The following ROBO1 variants were observed in gnomAD, a reference collection of about 807,000 sequenced individuals.
ROBO1 encodes roundabout homolog 1.
ROBO1 carries 149 observed loss-of-function variants against 195.9 expected under a neutral mutation model. The ratio of observed to expected loss-of-function variants is 0.76; its 90% CI spans 0.67 to 0.87. ROBO1 has a LOEUF of 0.87. Among genes scored for constraint, ROBO1 ranks in the 40% least tolerant of loss-of-function variants. ROBO1 has a pLI of 0.00. For missense variants in ROBO1, 1,933 were observed against 2,068.3 expected (o/e 0.93, Z 1.27); for synonymous variants, 816 against 733.2 (o/e 1.11, Z -1.82).
intron 2 of ROBO1, among the ~76,000 whole-genome samples, chr3:79,141,459 G>C (rs1482160834): frequency 6.6e-6 from 1 of 152,110 alleles, no homozygotes; most frequent in East Asian, 1.9e-4. Context: ...ACAGGGATTA[G>C]CTGTGTCCAA....
intron 2 of ROBO1, among the ~76,000 whole-genome samples, chr3:79,471,722 T>C (rs1055934930): frequency 7.2e-5 from 11 of 152,142 alleles, no homozygotes; most frequent in African/African-American, 2.7e-4. Context: ...AAAGAAAATG[T>C]AGCACATATA....
At position 78,995,078 on chromosome 3, in the gene ROBO1, C is replaced by T. The variant is rs1324990792; in HGVS notation, c.173-56151G>A. Reference sequence around the variant, plus strand: ...TATTCTGCTGTCTTCTGTAGTGCACCTTATACTTTTAATACTGACAAAAAT... The same window carrying T: ...TATTCTGCTGTCTTCTGTAGTGCACTTTATACTTTTAATACTGACAAAAAT... On this transcript the variant is annotated intron_variant, in intron 3 of 30. Transcript: ENST00000464233. 2.6e-5 allele frequency among the ~76,000 whole-genome samples: 4 copies of T among 152,098 alleles called. No homozygotes were observed. The East Asian group carries it at 7.7e-4, about 29-fold the overall frequency.
chr3:79,330,848 T>A (rs1428742604), intron 2 of ROBO1, among the ~76,000 whole-genome samples: 1 of 152,154 alleles, frequency 6.6e-6, no homozygotes, highest in African/African-American at 2.4e-5. Flanking sequence ...GCACATCTCT[T>A]GGAAATGATC....
rs773447174 is a variant in ROBO1, at chr3:78,614,778, A to C, written c.4305T>G (p.Ser1435=). ...CGGGACTTGTGGGCCTAGGGCACTG[A>C]GACGCATGAAAATGTCGACGGCCTA... The part of the protein sequence containing the change: ...DAAGRRHFHA[S]QCPRPTSPVS... Residue 1435 remains serine (S), a synonymous_variant, in exon 28 of 31, where the codon TCT becomes TCG. Coordinates refer to ENST00000464233, the MANE Select transcript of ROBO1 (RefSeq NM_002941.4). The C allele has an allele frequency of 1.3e-5, 21 of 1,612,496 alleles. No individual in the cohort carries two copies. Among genetic ancestry groups the C allele is most frequent in the Non-Finnish European group, 1.6e-5 (19 of 1,179,388 alleles).
intron 1 of ROBO1, among the ~76,000 whole-genome samples, chr3:79,607,810 C>T (rs779522279): frequency 2.6e-5 from 4 of 151,930 alleles, no homozygotes; most frequent in African/African-American, 9.7e-5. Flanking sequence ...TGCATACTCA[C>T]GTGCGTGGCT....
intron 3 of ROBO1, among the ~76,000 whole-genome samples, chr3:79,094,819 C>T (rs766946065): frequency 6.1e-4 from 92 of 151,936 alleles, no homozygotes; most frequent in Admixed American, 1.9e-3. Context: ...CCAAGTTACT[C>T]TTTTTGAAAT....
intron 26 of ROBO1, among the ~76,000 whole-genome samples, chr3:78,622,168 T>C (rs1352072740): frequency 6.6e-6 from 1 of 152,168 alleles, no homozygotes; most frequent in Non-Finnish European, 1.5e-5. Flanking sequence ...ATTATGTTGA[T>C]CACCTAGTTT....
chr3:79,070,038 C>T (rs1232250645), intron 3 of ROBO1, among the ~76,000 whole-genome samples: 1 of 151,458 alleles, frequency 6.6e-6, no homozygotes. Flanking sequence ...TATTCATTTA[C>T]TGGTTATTCT....
intron 1 of ROBO1, among the ~76,000 whole-genome samples, chr3:79,629,302 T>C (rs907655379): frequency 1.2e-4 from 19 of 152,228 alleles, no homozygotes; most frequent in African/African-American, 4.6e-4. Context: ...ATCAAGTGTC[T>C]TCTCAGAACA....
At chr3:79,167,755 G>C (rs565670748) in intron 2 of ROBO1, among the ~76,000 whole-genome samples, 8 of 152,300 alleles carry the variant, frequency 5.3e-5, no homozygotes, top group Non-Finnish European at 8.8e-5. Flanking sequence ...TGAAGAACTT[G>C]GGATCAGAAG....
intron 4 of ROBO1, among the ~76,000 whole-genome samples, chr3:78,795,284 T>C (rs1319436262): frequency 6.6e-6 from 1 of 152,198 alleles, no homozygotes; most frequent in African/African-American, 2.4e-5. Flanking sequence ...CATTAGTAAA[T>C]ATGAAGCTAT....
At position 79,644,953 on chromosome 3, in the gene ROBO1, G is replaced by A. The variant is rs550245003; in HGVS notation, c.-50-54992C>T. 2.6e-5 allele frequency among the ~76,000 whole-genome samples: 4 copies of A among 152,028 alleles called. No individual in the cohort carries two copies. In the South Asian group the frequency reaches 8.3e-4, roughly 32 times the overall value. ...CACATGGAAATTAAATGACATGCTTGGAACAATAATATGTCAATGAAGAAA... is the reference window on the plus strand; with the variant it reads ...CACATGGAAATTAAATGACATGCTTAGAACAATAATATGTCAATGAAGAAA... On this transcript the variant is annotated intron_variant, in intron 1 of 30. Transcript: ENST00000464233.
At chr3:79,615,193 G>T (rs141120102) in intron 1 of ROBO1, among the ~76,000 whole-genome samples, 3 of 152,036 alleles carry the variant, frequency 2.0e-5, no homozygotes, top group Non-Finnish European at 4.4e-5. Flanking sequence ...CTACCTGAAG[G>T]CTTCTTCAGC....
chr3:78,953,438 T>C lies in ROBO1; in HGVS notation c.173-14511A>G, dbSNP rs528667939. On this transcript the variant is annotated intron_variant, in intron 3 of 30. Transcript: ENST00000464233. ...TCCACCAATTTATCCATTAGTTGTTTACCTGTATATTATTCCTATACTGTA... is the reference window on the plus strand; with the variant it reads ...TCCACCAATTTATCCATTAGTTGTTCACCTGTATATTATTCCTATACTGTA... Among the ~76,000 whole-genome samples, 8 of 152,190 alleles carry C rather than the reference T, an allele frequency of 5.3e-5. No homozygotes were observed. The East Asian group carries it at 1.5e-3, about 29-fold the overall frequency.
rs78944593 is a variant in ROBO1, at chr3:79,110,995, G to A, written c.172+14461C>T. Reference sequence around the variant, plus strand: ...ACTACAGTGTCATAATATATCACTTGTGGCCACCTTTAATGAAGAGCCAAT... The same window carrying A: ...ACTACAGTGTCATAATATATCACTTATGGCCACCTTTAATGAAGAGCCAAT... On this transcript the variant is annotated intron_variant, in intron 3 of 30. Transcript: ENST00000464233. 1.4e-4 allele frequency among the ~76,000 whole-genome samples: 21 copies of A among 152,178 alleles called. No individual in the cohort carries two copies. In the East Asian group the frequency reaches 3.9e-3, roughly 28 times the overall value.
Position 78,597,613 on chromosome 3 carries a change from C to A in ROBO1, c.*1300G>T, listed in dbSNP as rs1223685275. 6.6e-6 allele frequency: 1 copy of A among 152,170 alleles called. No homozygotes were observed. Among genetic ancestry groups the A allele is most frequent in the African/African-American group, 2.4e-5 (1 of 41,404 alleles). The allele number at this position is 152,170 out of a possible 1,614,324, so 9.4% of individuals were successfully genotyped here. A position where few individuals can be genotyped will look rare whatever the true frequency, so the allele number is the denominator to read the frequency against. On this transcript the variant is annotated 3_prime_UTR_variant, in exon 31 of 31. Coordinates refer to ENST00000464233, the MANE Select transcript of ROBO1 (RefSeq NM_002941.4). ...AATGACAAAAAAGGATCATAGAAAT[C>A]TACTAGTCAGAGGGCATCATTTGTC...
intron 14 of ROBO1, among the ~76,000 whole-genome samples, chr3:78,662,740 G>A (rs1315952634): frequency 2.0e-5 from 3 of 152,058 alleles, no homozygotes; most frequent in Non-Finnish European, 4.4e-5. Context: ...AGTACTTAAC[G>A]TTTATTTAAT....
chr3:79,244,045 A>G (rs1217525268), intron 2 of ROBO1, among the ~76,000 whole-genome samples: 2 of 152,168 alleles, frequency 1.3e-5, no homozygotes, highest in African/African-American at 4.8e-5. Flanking sequence ...AGCTTTCTGC[A>G]TATGGCTAAC....
At position 78,718,557 on chromosome 3, in the gene ROBO1, T is replaced by G. The variant is rs183319220; in HGVS notation, c.658-674A>C. On this transcript the variant is annotated intron_variant, in intron 5 of 30. Coordinates refer to ENST00000464233, the MANE Select transcript of ROBO1 (RefSeq NM_002941.4). The stretch of plus-strand genomic sequence containing the variant: ...GAACATATAATTAATTGAATAAAAA[T>G]TAATTTTAAATGTAAGCAGACATAC... Among the ~76,000 whole-genome samples the G allele has an allele frequency of 5.9e-4, 90 of 152,058 alleles. No individual in the cohort carries two copies. The East Asian group carries it at 0.011, about 19-fold the overall frequency.
Sources: allele counts gnomAD v4.1 joint callset (sites outside exome capture counted in the v4.1 genomes callset), GRCh38; gene constraint gnomAD v4.1.1; transcripts MANE v1.5; gene names NCBI Gene and HGNC (gene_info 2026-07-23, HGNC 2026-07-21).